The following SUGCT variants were observed in gnomAD, a reference collection of about 807,000 sequenced individuals.
SUGCT encodes the protein succinyl-CoA:glutarate-CoA transferase.
In SUGCT, 41 loss-of-function variants were observed where a neutral mutation model predicts 55.0. The ratio of observed to expected loss-of-function variants is 0.74; its 90% CI spans 0.58 to 0.97. SUGCT has a LOEUF of 0.97. Among genes scored for constraint, SUGCT ranks in the 50% least tolerant of loss-of-function variants. SUGCT has a pLI of 0.00. For synonymous variants in SUGCT, 187 were observed against 200.4 expected (o/e 0.93, Z 0.56); for missense variants, 568 against 547.8 (o/e 1.04, Z -0.37).
At chr7:40,517,265 A>T (rs907717786) in intron 12 of SUGCT, among the ~76,000 whole-genome samples, 1 of 149,844 alleles carries the variant, frequency 6.7e-6, no homozygotes. Flanking sequence ...AGGATTTTTT[A>T]AATGTAAGCT....
At chr7:40,499,951 A>G (rs1282439801) in intron 12 of SUGCT, among the ~76,000 whole-genome samples, 1 of 152,210 alleles carries the variant, frequency 6.6e-6, no homozygotes, top group Non-Finnish European at 1.5e-5. Flanking sequence ...CAACTGAAAC[A>G]CACTTAAAAG....
At chr7:40,628,122 A>G (rs962997679) in intron 12 of SUGCT, among the ~76,000 whole-genome samples, 1 of 152,186 alleles carries the variant, frequency 6.6e-6, no homozygotes, top group Non-Finnish European at 1.5e-5. Flanking sequence ...ATGATATGCA[A>G]TAAGATATTT....
At chr7:40,352,520 T>G (rs1002798515) in intron 9 of SUGCT, among the ~76,000 whole-genome samples, 1 of 152,186 alleles carries the variant, frequency 6.6e-6, no homozygotes, top group African/African-American at 2.4e-5. Flanking sequence ...TATCCATATG[T>G]GCTCAGTGTT....
chr7:40,679,856 A>G (rs903590878), intron 12 of SUGCT, among the ~76,000 whole-genome samples: 1 of 152,166 alleles, frequency 6.6e-6, no homozygotes, highest in African/African-American at 2.4e-5. Flanking sequence ...GTATTCTCTC[A>G]TGATGAGAAT....
intron 6 of SUGCT, among the ~76,000 whole-genome samples, chr7:40,217,724 G>A (rs1240139130): frequency 2.6e-5 from 4 of 152,184 alleles, no homozygotes; most frequent in Non-Finnish European, 5.9e-5. Context: ...GCTATCTGTT[G>A]TTTGACATGC....
intron 12 of SUGCT, among the ~76,000 whole-genome samples, chr7:40,684,825 GT>G (rs1784397861): frequency 6.6e-6 from 1 of 151,962 alleles, no homozygotes; most frequent in Non-Finnish European, 1.5e-5. Flanking sequence ...TGTTTTATGA[GT>G]TTTCGTGGTT....
At chr7:40,651,963 C>A (rs1219350100) in intron 12 of SUGCT, among the ~76,000 whole-genome samples, 2 of 152,002 alleles carry the variant, frequency 1.3e-5, no homozygotes, top group Non-Finnish European at 2.9e-5. Context: ...TTTACCTCCA[C>A]CTGTTCTTTC....
At chr7:40,188,455 A>C (rs1024944924) in intron 3 of SUGCT, 40 bp from the exon 4 acceptor site, 12 of 1,251,348 alleles carry the variant, frequency 9.6e-6, no homozygotes, top group Admixed American at 2.5e-5. Flanking sequence ...AAAAAAAAAA[A>C]CAAACCCCAA....
downstream of SUGCT, among the ~76,000 whole-genome samples, chr7:40,862,024 A>T (rs1248525995): frequency 6.6e-6 from 1 of 152,216 alleles, no homozygotes; most frequent in African/African-American, 2.4e-5. Flanking sequence ...GATGGCAGAG[A>T]ATTGGCAAAA....
At chr7:40,981,863 C>T in the SUGCT span, among the ~76,000 whole-genome samples, 1 of 152,220 alleles carries the variant, frequency 6.6e-6, no homozygotes, top group African/African-American at 2.4e-5. Flanking sequence ...ATATTTCTAG[C>T]ATACATCTCA....
intron 7 of SUGCT, among the ~76,000 whole-genome samples, chr7:40,256,468 A>G (rs1234671801): frequency 6.6e-6 from 1 of 152,244 alleles, no homozygotes; most frequent in Non-Finnish European, 1.5e-5. Flanking sequence ...TGGTCGAAGC[A>G]GAATAAATAA....
intron 7 of SUGCT, among the ~76,000 whole-genome samples, chr7:40,264,999 C>T (rs537097070): frequency 6.6e-6 from 1 of 152,244 alleles, no homozygotes; most frequent in South Asian, 2.1e-4. Context: ...TAGATTTTAT[C>T]ATTACCCATA....
intron 13 of SUGCT, among the ~76,000 whole-genome samples, chr7:40,826,636 T>A (rs1012568): frequency 0.2 from 30,341 of 152,050 alleles, 3,696 homozygotes; most frequent in South Asian, 0.34. Context: ...ACCCAGCTCC[T>A]GACAAAGAGT....
chr7:40,346,648 G>C (rs1797328811), intron 9 of SUGCT, among the ~76,000 whole-genome samples: 1 of 152,192 alleles, frequency 6.6e-6, no homozygotes, highest in Admixed American at 6.5e-5. Context: ...CACACACACT[G>C]TTGTTACGAG....
At chr7:40,914,279 T>TTTTTTTTTTC in the SUGCT span, among the ~76,000 whole-genome samples, 1 of 109,894 alleles carries the variant, frequency 9.1e-6, no homozygotes, top group African/African-American at 4.4e-5. Flanking sequence ...TTTCTTTTTC[T>TTTTTTTTTTC]TTTTTTTTTT....
rs773318952 is a variant in SUGCT, at chr7:40,860,515, G to C, written c.*36G>C. 1 of 1,582,064 alleles carries C rather than the reference G, an allele frequency of 6.3e-7. No individual in the cohort carries two copies. Among genetic ancestry groups the C allele is most frequent in the Non-Finnish European group, 8.6e-7 (1 of 1,161,398 alleles). On this transcript the variant is annotated 3_prime_UTR_variant, in exon 14 of 14. Transcript: ENST00000335693. Reference sequence around the variant, plus strand: ...GGGCTCTTCCTCATAACCTCGATCCGAATACACTGGCAAAGGCAACACTTT... The same window carrying C: ...GGGCTCTTCCTCATAACCTCGATCCCAATACACTGGCAAAGGCAACACTTT...
the SUGCT span, among the ~76,000 whole-genome samples, chr7:40,942,236 G>A: frequency 1.3e-5 from 2 of 151,990 alleles, no homozygotes; most frequent in Non-Finnish European, 2.9e-5. Context: ...CCTTTTAGCC[G>A]TTCTTATAGG....
chr7:40,234,358 G>A (rs538398596), intron 6 of SUGCT, among the ~76,000 whole-genome samples: 1 of 152,310 alleles, frequency 6.6e-6, no homozygotes, highest in South Asian at 2.1e-4. Context: ...GAAAACCATT[G>A]CTTTGAAGGC....
At chr7:41,028,988 A>C in the SUGCT span, among the ~76,000 whole-genome samples, 2 of 152,224 alleles carry the variant, frequency 1.3e-5, no homozygotes, top group South Asian at 4.1e-4. Flanking sequence ...AGGGAACAAG[A>C]TGGCACCAAA....
Sources: allele counts gnomAD v4.1 joint callset (sites outside exome capture counted in the v4.1 genomes callset), GRCh38; gene constraint gnomAD v4.1.1; transcripts MANE v1.5; gene names NCBI Gene and HGNC (gene_info 2026-07-23, HGNC 2026-07-21).